SARDH: variants seen among roughly 807,000 people sequenced by gnomAD.
SARDH encodes sarcosine dehydrogenase, mitochondrial.
In SARDH, 95 loss-of-function variants were observed where a neutral mutation model predicts 109.1. The ratio of observed to expected loss-of-function variants is 0.87; its 90% CI spans 0.74 to 1.03. The LOEUF (loss-of-function observed/expected upper bound fraction) is 1.03, where lower values mean the gene tolerates loss of function less well. Among genes scored for constraint, SARDH ranks in the 50% least tolerant of loss-of-function variants. The pLI, the probability that SARDH is intolerant of heterozygous loss-of-function variation, is 0.00. For missense variants in SARDH, 1,267 were observed against 1,287.8 expected, an observed-to-expected ratio of 0.98 and a Z score of 0.25; for synonymous variants, 572 against 534.8, an observed-to-expected ratio of 1.07 and a Z score of -0.96.
At position 133,712,904 on chromosome 9, in the gene SARDH, G is replaced by A. The variant is rs978868780; in HGVS notation, c.1237+134C>T. ...AGGTGCACTCTCTGGGAAGCAGAAG[G>A]GGCTGGACTCCCCAGCCTCTCCTGT... is the stretch of plus-strand genomic sequence containing the variant. On this transcript the variant is annotated intron_variant, in intron 9 of 20. Transcript: ENST00000439388. The surrounding 1 kb of genome is among the most constrained non-coding windows in gnomAD (Gnocchi z 4.1). The A allele has an allele frequency of 4.0e-6, 4 of 1,010,926 alleles. No individual in the cohort carries two copies. The highest frequency in any genetic ancestry group is 5.9e-6 in the Non-Finnish European group (4 of 676,340). 62.6% of individuals were successfully genotyped at this position (1,010,926 alleles called of 1,614,324 possible).
intron 11 of SARDH, among the ~76,000 whole-genome samples, chr9:133,706,108 A>G (rs755189945): frequency 6.6e-6 from 1 of 152,208 alleles, no homozygotes; most frequent in Non-Finnish European, 1.5e-5. Flanking sequence ...TTCCACTCCC[A>G]AGTATGCACA....
chr9:133,737,813 ACT>A (rs1435653454), intron 1 of SARDH, among the ~76,000 whole-genome samples: 1 of 150,984 alleles, frequency 6.6e-6, no homozygotes, highest in Non-Finnish European at 1.5e-5. Flanking sequence ...ACATTAACCC[ACT>A]CTCTTGCCCC....
chr9:133,674,744 T>C (rs773420929), intron 17 of SARDH, among the ~76,000 whole-genome samples: 1 of 152,090 alleles, frequency 6.6e-6, no homozygotes, highest in Non-Finnish European at 1.5e-5. Context: ...TAACTAGACA[T>C]GGAACAAAGA....
At chr9:133,681,311 C>A (rs1401898423) in intron 17 of SARDH, among the ~76,000 whole-genome samples, 1 of 152,216 alleles carries the variant, frequency 6.6e-6, no homozygotes. Context: ...CCAACACGGG[C>A]CACACTTTTT....
intron 12 of SARDH, chr9:133,703,510 CCT>C: frequency 6.1e-6 from 1 of 163,646 alleles, no homozygotes; most frequent in South Asian, 1.7e-4. Flanking sequence ...AAGTCCTGGA[CCT>C]GGCAGTGGCA....
rs1554763051 is a variant in SARDH at position 133,734,348 on chromosome 9, T to TTCATTCAC, written c.-30-146_-30-145insGTGAATGA. ...CCCATGGCATTCATTCATTCACTCATTCATTCATTCATTCACTCATTCATT... is the reference window on the plus strand; with the variant it reads ...CCCATGGCATTCATTCATTCACTCATTCATTCACTCATTCATTCATTCACTCATTCATT... On this transcript the variant is annotated intron_variant, in intron 1 of 20. Coordinates refer to ENST00000439388, the MANE Select transcript of SARDH (RefSeq NM_001134707.2). 488 of 380,822 alleles carry TTCATTCAC rather than the reference T, an allele frequency of 1.3e-3. 1 individual carries two copies. The highest frequency in any genetic ancestry group is 1.8e-3 in the Non-Finnish European group (403 of 218,632). The allele number at this position is 380,822 out of a possible 1,614,324, so 23.6% of individuals were successfully genotyped here. A position where few individuals can be genotyped will look rare whatever the true frequency, so the allele number is the denominator to read the frequency against.
At chr9:133,689,487 G>A (rs1185700315) in intron 16 of SARDH, among the ~76,000 whole-genome samples, 2 of 152,152 alleles carry the variant, frequency 1.3e-5, no homozygotes, top group Non-Finnish European at 2.9e-5. Context: ...GAAAAAGGGT[G>A]GCGGTGAGCG....
Position 133,719,983 on chromosome 9 carries a change from C to A in SARDH, c.916-941G>T, listed in dbSNP as rs9409849. On this transcript the variant is annotated intron_variant, in intron 6 of 20. Coordinates refer to ENST00000439388, the MANE Select transcript of SARDH (RefSeq NM_001134707.2). ...AAAATTAGCTGGGCGTGGTGGCGGG[C>A]GCCTGTAGTCCCAGCTATTCGGGAG... Among the ~76,000 whole-genome samples, 10 of 151,872 alleles carry A rather than the reference C, an allele frequency of 6.6e-5. No homozygotes were observed. In the East Asian group the frequency reaches 1.9e-3, roughly 30 times the overall value.
intron 16 of SARDH, among the ~76,000 whole-genome samples, chr9:133,689,697 A>T (rs1831022603): frequency 6.6e-6 from 1 of 151,882 alleles, no homozygotes; most frequent in African/African-American, 2.4e-5. Context: ...CAGGTGCTCC[A>T]CTGGTGGCTG....
At chr9:133,681,997 G>A (rs1159783243) in intron 17 of SARDH, among the ~76,000 whole-genome samples, 1 of 152,140 alleles carries the variant, frequency 6.6e-6, no homozygotes, top group Non-Finnish European at 1.5e-5. Flanking sequence ...GTAGCACTGG[G>A]CAAGCGAGGG....
chr9:133,690,697 C>T (rs1025674943), intron 15 of SARDH, among the ~76,000 whole-genome samples, 170 bp from the exon 16 acceptor site: 4 of 152,108 alleles, frequency 2.6e-5, no homozygotes, highest in South Asian at 2.1e-4. Context: ...CCCAGGGCCA[C>T]GCCTTGCAGA....
intron 20 of SARDH, among the ~76,000 whole-genome samples, chr9:133,665,686 G>A (rs1438559723): frequency 6.6e-6 from 1 of 152,236 alleles, no homozygotes; most frequent in Non-Finnish European, 1.5e-5. Flanking sequence ...ACAGGACCAT[G>A]GTCTTGCCCG....
chr9:133,690,727 G>A (rs983884341), intron 15 of SARDH, among the ~76,000 whole-genome samples, 200 bp from the exon 16 acceptor site: 4 of 152,090 alleles, frequency 2.6e-5, no homozygotes, highest in Non-Finnish European at 5.9e-5. Context: ...GAGCCATGGG[G>A]GTTAGGAGAA....
Position 133,686,503 on chromosome 9 carries a change from C to T in SARDH, c.2070-1217G>A, listed in dbSNP as rs1830891018. Among the ~76,000 whole-genome samples the T allele has an allele frequency of 6.6e-6, 1 of 152,140 alleles. No individual in the cohort carries two copies. Among genetic ancestry groups the T allele is most frequent in the Non-Finnish European group, 1.5e-5 (1 of 68,014 alleles). ...CCCACAGTCTCCTGCCAGGGTGTCT[C>T]TCACATTGGTTGTACCCACCCCCAA... On this transcript the variant is annotated intron_variant, in intron 16 of 20. Coordinates refer to ENST00000439388, the MANE Select transcript of SARDH (RefSeq NM_001134707.2). The surrounding 1 kb of genome is among the most constrained non-coding windows in gnomAD (Gnocchi z 4.0).
At chr9:133,679,989 A>G (rs967367031) in intron 17 of SARDH, among the ~76,000 whole-genome samples, 4 of 152,212 alleles carry the variant, frequency 2.6e-5, no homozygotes, top group African/African-American at 4.8e-5. Context: ...CTGGAACCCA[A>G]CTGATCGCCT....
chr9:133,670,419 C>G (rs116422514), intron 19 of SARDH, among the ~76,000 whole-genome samples, 165 bp downstream of exon 19: 2,227 of 152,092 alleles, frequency 0.015, 52 homozygotes, highest in African/African-American at 0.051. Context: ...TCTTTGGCCT[C>G]GATTTCCTTA....
rs988334283 is a variant in SARDH at position 133,718,361 on chromosome 9, C to T, written c.1020+577G>A. 7.5e-6 allele frequency: 2 copies of T among 265,248 alleles called. No individual in the cohort carries two copies. The highest frequency in any genetic ancestry group is 6.2e-5 in the South Asian group (1 of 16,162). 16.4% of individuals were successfully genotyped at this position (265,248 alleles called of 1,614,324 possible). On this transcript the variant is annotated intron_variant, in intron 7 of 20. Transcript: ENST00000439388. This position sits in a 1 kb window ranked among gnomAD's most constrained non-coding sequence, Gnocchi z 4.2. ...TGCTGGGATTACAGGTGTGAGCCAC[C>T]GTGCCCAGCCATTTGTTTGTTTATT...
At chr9:133,733,759 C>A in intron 2 of SARDH, 84 bp downstream of exon 2, 1 of 1,306,498 alleles carries the variant, frequency 7.7e-7, no homozygotes, top group South Asian at 1.8e-5. Flanking sequence ...TGTTGTGAAC[C>A]AAGAACTGTC....
At chr9:133,696,073 C>T (rs1240845659) in intron 14 of SARDH, 150 bp downstream of exon 14, 50 of 756,280 alleles carry the variant, frequency 6.6e-5, no homozygotes, top group Non-Finnish European at 8.1e-5. Context: ...CAAAGGGGGC[C>T]GGACGGGGGG....
Sources: allele counts gnomAD v4.1 joint callset (sites outside exome capture counted in the v4.1 genomes callset), GRCh38; gene constraint gnomAD v4.1.1; non-coding constraint Gnocchi (gnomAD v3.1); transcripts MANE v1.5; gene names NCBI Gene and HGNC (gene_info 2026-07-23, HGNC 2026-07-21).